AFF2: variants seen among roughly 807,000 people sequenced by gnomAD.
The protein encoded by AFF2 is AF4/FMR2 family member 2.
In AFF2, 14 loss-of-function variants were observed where a neutral mutation model predicts 76.9. The observed-to-expected ratio is 0.18, with a 90% CI of 0.12 to 0.28. The LOEUF (loss-of-function observed/expected upper bound fraction) is 0.28. AFF2 is among the 10% of genes least tolerant of loss of function. AFF2 has a pLI of 1.00. For missense variants in AFF2, 868 were observed against 1,001.1 expected (o/e 0.87, Z 1.79); for synonymous variants, 398 against 366.7 (o/e 1.09, Z -0.98).
At chrX:148,782,097 G>A (rs979460968) in intron 3 of AFF2, among the ~76,000 whole-genome samples, 3 of 111,620 alleles carry the variant, frequency 2.7e-5, no homozygotes, top group African/African-American at 9.8e-5. Context: ...CATTGGTCTC[G>A]CTGGGAGCTG....
At chrX:148,720,446 A>G (rs1021214332) in intron 3 of AFF2, among the ~76,000 whole-genome samples, 3 of 109,620 alleles carry the variant, frequency 2.7e-5, no homozygotes, top group Admixed American at 2.0e-4. Context: ...TCTTTTACCT[A>G]TAACTCTTGT....
chrX:148,771,547 C>A (rs1557268108), intron 3 of AFF2, among the ~76,000 whole-genome samples: 3 of 112,182 alleles, frequency 2.7e-5, no homozygotes, highest in East Asian at 2.8e-4. Context: ...ACACTGAATT[C>A]TCAGAAAAGA....
intron 7 of AFF2, among the ~76,000 whole-genome samples, chrX:148,853,613 A>G (rs1443988512): frequency 1.8e-5 from 2 of 112,036 alleles, no homozygotes; most frequent in African/African-American, 6.5e-5. Flanking sequence ...GTCCCAGCTC[A>G]CACAGGTAAT....
chrX:148,712,130 T>G (rs1393120548), intron 3 of AFF2, among the ~76,000 whole-genome samples: 2 of 111,700 alleles, frequency 1.8e-5, no homozygotes, highest in Non-Finnish European at 3.8e-5. Flanking sequence ...GCCTCCATCT[T>G]CACATGGAAG....
intron 3 of AFF2, among the ~76,000 whole-genome samples, chrX:148,722,139 T>C (rs1557263877): frequency 1.8e-5 from 2 of 111,415 alleles, no homozygotes; most frequent in Non-Finnish European, 3.8e-5. Context: ...TACTAGGTGC[T>C]GATCTTGATA....
In AFF2 at chrX:148,614,405, T is replaced by A. The variant is rs782742593; in HGVS notation, c.48-37594T>A. 4.5e-5 allele frequency among the ~76,000 whole-genome samples: 5 copies of A among 111,822 alleles called. No individual in the cohort carries two copies. In the South Asian group the frequency reaches 1.8e-3, roughly 41 times the overall value. The stretch of plus-strand genomic sequence containing the variant: ...CAGATTGAAGAAATGAGACACAGTA[T>A]TCTATTTTCAACCACCTGGAGGTGT... On this transcript the variant is annotated intron_variant, in intron 1 of 20. Coordinates refer to ENST00000370460, the MANE Select transcript of AFF2 (RefSeq NM_002025.4).
At chrX:148,622,032 G>A (rs782304372) in intron 1 of AFF2, among the ~76,000 whole-genome samples, 36 of 112,247 alleles carry the variant, frequency 3.2e-4, no homozygotes, top group Non-Finnish European at 6.0e-4. Flanking sequence ...TCCAGCACCT[G>A]AGTGATTGAA....
At chrX:148,691,570 C>G (rs925838458) in intron 3 of AFF2, among the ~76,000 whole-genome samples, 11 of 111,200 alleles carry the variant, frequency 9.9e-5, no homozygotes, top group Non-Finnish European at 1.9e-4. Flanking sequence ...GGAGCCAAAT[C>G]ATGAAGTGTG....
chrX:148,809,142 T>C (rs2070172480), intron 3 of AFF2, among the ~76,000 whole-genome samples: 1 of 111,660 alleles, frequency 9.0e-6, no homozygotes, highest in Admixed American at 9.5e-5. Flanking sequence ...CAGCAGAGAT[T>C]TTTCTAGATG....
intron 9 of AFF2, among the ~76,000 whole-genome samples, chrX:148,941,105 A>G (rs2071828999): frequency 8.9e-6 from 1 of 111,789 alleles, no homozygotes; most frequent in Non-Finnish European, 1.9e-5. Flanking sequence ...AAAGAATGGG[A>G]GTGAATTTTT....
intron 19 of AFF2, among the ~76,000 whole-genome samples, chrX:148,986,868 A>G (rs2072478297): frequency 8.9e-6 from 1 of 112,811 alleles, no homozygotes; most frequent in African/African-American, 3.2e-5. Context: ...TATGTATTCA[A>G]AGGAAGAGCT....
Position 148,842,649 on chromosome X carries a change from A to G in AFF2, c.1174-317A>G, listed in dbSNP as rs143978782. ...AATTATACACTTCAATTTCACACAT[A>G]TGGGTCATTTGTTCCCATGTTACAC... On this transcript the variant is annotated intron_variant, in intron 5 of 20. Coordinates refer to ENST00000370460, the MANE Select transcript of AFF2 (RefSeq NM_002025.4). 8.4e-3 allele frequency among the ~76,000 whole-genome samples: 939 copies of G among 112,306 alleles called. 9 individuals are homozygous for G. Among genetic ancestry groups the G allele is most frequent in the African/African-American group, 0.028 (868 of 30,953 alleles).
intron 3 of AFF2, among the ~76,000 whole-genome samples, chrX:148,730,238 A>C (rs2055204862): frequency 8.9e-6 from 1 of 111,911 alleles, no homozygotes; most frequent in African/African-American, 3.3e-5. Flanking sequence ...TGTCTTAAGA[A>C]CCTTTCTAGG....
chrX:148,609,353 C>T (rs782033644), intron 1 of AFF2, among the ~76,000 whole-genome samples: 2 of 111,543 alleles, frequency 1.8e-5, no homozygotes, highest in Non-Finnish European at 3.8e-5. Context: ...TTATAACAAG[C>T]TATAAATATT....
At chrX:148,607,763 A>T (rs1557248977) in intron 1 of AFF2, among the ~76,000 whole-genome samples, 1 of 111,759 alleles carries the variant, frequency 8.9e-6, no homozygotes, top group African/African-American at 3.3e-5. Flanking sequence ...TTTATATTTA[A>T]TTATAAGGAA....
chrX:148,977,021 A>G (rs1222040120), intron 16 of AFF2, among the ~76,000 whole-genome samples: 1 of 112,090 alleles, frequency 8.9e-6, no homozygotes, highest in Non-Finnish European at 1.9e-5. Flanking sequence ...GGTTGCTGAA[A>G]GCGAGGAGTC....
At chrX:148,743,074 C>A (rs1412797064) in intron 3 of AFF2, among the ~76,000 whole-genome samples, 2 of 112,113 alleles carry the variant, frequency 1.8e-5, no homozygotes, top group Non-Finnish European at 3.8e-5. Flanking sequence ...TCTAAACGTT[C>A]AGGCTCACTT....
chrX:148,537,893 A>G (rs1423160589), intron 1 of AFF2, among the ~76,000 whole-genome samples: 1 of 112,362 alleles, frequency 8.9e-6, no homozygotes, highest in Non-Finnish European at 1.9e-5. Flanking sequence ...CGATTCTCCC[A>G]TCTAATGGTA....
intron 7 of AFF2, among the ~76,000 whole-genome samples, chrX:148,847,404 T>C (rs2070680414): frequency 8.9e-6 from 1 of 112,014 alleles, no homozygotes; most frequent in African/African-American, 3.3e-5. Flanking sequence ...AACTTGGTTG[T>C]TAGCATTTGG....
Sources: allele counts gnomAD v4.1 joint callset (sites outside exome capture counted in the v4.1 genomes callset), GRCh38; gene constraint gnomAD v4.1.1; transcripts MANE v1.5; gene names NCBI Gene and HGNC (gene_info 2026-07-23, HGNC 2026-07-21).